CERS6: variants seen among roughly 807,000 people sequenced by gnomAD.
The protein encoded by CERS6 is LAG1 homolog, ceramide synthase 6.
In CERS6, 26 loss-of-function variants were observed where a neutral mutation model predicts 56.8. The observed-to-expected ratio is 0.46, with a 90% CI of 0.34 to 0.63. The LOEUF (loss-of-function observed/expected upper bound fraction) is 0.63. Ranked by LOEUF, CERS6 falls within the 30% of genes least tolerant of loss-of-function variation. The pLI is 0.01. For missense variants in CERS6, 415 were observed against 467.5 expected (o/e 0.89, Z 1.04); for synonymous variants, 164 against 173.3 (o/e 0.95, Z 0.42).
At chr2:168,662,592 G>A (rs570802543) in intron 4 of CERS6, among the ~76,000 whole-genome samples, 9 of 152,280 alleles carry the variant, frequency 5.9e-5, no homozygotes, top group Non-Finnish European at 7.4e-5. Context: ...TTAGCTGGGC[G>A]TGGTGGCGGG....
chr2:168,467,289 C>G (rs1223463779), intron 1 of CERS6, among the ~76,000 whole-genome samples: 1 of 152,142 alleles, frequency 6.6e-6, no homozygotes, highest in Non-Finnish European at 1.5e-5. Flanking sequence ...TAATAGCTCA[C>G]CATTTCAAAG....
At chr2:168,673,200 A>G (rs1168186604) in intron 4 of CERS6, among the ~76,000 whole-genome samples, 2 of 152,244 alleles carry the variant, frequency 1.3e-5, no homozygotes, top group African/African-American at 4.8e-5. Flanking sequence ...AATACCAAAC[A>G]TAATATAAAA....
chr2:168,634,627 G>C (rs573894421), intron 4 of CERS6, among the ~76,000 whole-genome samples: 2 of 152,252 alleles, frequency 1.3e-5, no homozygotes, highest in East Asian at 3.9e-4. Flanking sequence ...TGGCCAGGCT[G>C]GTCTCGAACT....
chr2:168,734,570 A>G (rs1683656671), intron 8 of CERS6, among the ~76,000 whole-genome samples: 1 of 152,250 alleles, frequency 6.6e-6, no homozygotes, highest in Admixed American at 6.5e-5. Flanking sequence ...ACACATGCAC[A>G]CGCACACATC....
At chr2:168,708,226 A>G (rs1029936341) in intron 6 of CERS6, among the ~76,000 whole-genome samples, 2 of 152,072 alleles carry the variant, frequency 1.3e-5, no homozygotes, top group African/African-American at 4.8e-5. Context: ...CTGTTTATTC[A>G]TTCTAAAATG....
intron 6 of CERS6, among the ~76,000 whole-genome samples, chr2:168,705,130 G>C (rs1013849436): frequency 1.3e-5 from 2 of 152,188 alleles, no homozygotes; most frequent in Admixed American, 6.5e-5. Flanking sequence ...CGTCCTTACT[G>C]TGTGACTAGA....
intron 3 of CERS6, among the ~76,000 whole-genome samples, chr2:168,577,192 C>A (rs1683296027): frequency 6.6e-6 from 1 of 152,098 alleles, no homozygotes; most frequent in South Asian, 2.1e-4. Context: ...AGGCTTGAGA[C>A]AGCCTCGTAT....
At chr2:168,548,478 C>G (rs960364227) in intron 2 of CERS6, among the ~76,000 whole-genome samples, 1 of 152,182 alleles carries the variant, frequency 6.6e-6, no homozygotes. Flanking sequence ...TTTTATATAT[C>G]TTACCTTATT....
intron 6 of CERS6, among the ~76,000 whole-genome samples, chr2:168,703,756 C>G (rs773213483): frequency 2.0e-5 from 3 of 152,174 alleles, no homozygotes; most frequent in Non-Finnish European, 4.4e-5. Flanking sequence ...GCCGCTTCAC[C>G]TCTCTTTCAC....
chr2:168,703,455 G>T (rs1300591295), intron 6 of CERS6, among the ~76,000 whole-genome samples: 1 of 152,004 alleles, frequency 6.6e-6, no homozygotes, highest in Non-Finnish European at 1.5e-5. Flanking sequence ...CTACTCAGGA[G>T]GCTGAGGCAG....
At chr2:168,545,653 C>T (rs543526774) in intron 1 of CERS6, among the ~76,000 whole-genome samples, 2 of 152,150 alleles carry the variant, frequency 1.3e-5, no homozygotes, top group East Asian at 1.9e-4. Flanking sequence ...CACTCAACAC[C>T]GTGATAGCAA....
At chr2:168,687,843 A>G (rs1212435662) in intron 4 of CERS6, among the ~76,000 whole-genome samples, 1 of 152,048 alleles carries the variant, frequency 6.6e-6, no homozygotes, top group East Asian at 1.9e-4. Context: ...AGCTGGGACT[A>G]TAGGCATATG....
intron 4 of CERS6, among the ~76,000 whole-genome samples, chr2:168,665,951 A>AGT (rs1685747391): frequency 1.3e-5 from 1 of 76,108 alleles, no homozygotes; most frequent in Non-Finnish European, 2.4e-5. Flanking sequence ...AAATTAGTAG[A>AGT]CTGTGTGTGT....
At chr2:168,688,182 T>G (rs1686403524) in intron 4 of CERS6, among the ~76,000 whole-genome samples, 1 of 152,326 alleles carries the variant, frequency 6.6e-6, no homozygotes, top group East Asian at 1.9e-4. Flanking sequence ...AGTGTATTTT[T>G]AATCACCATT....
chr2:168,598,326 T>C (rs2105259330), intron 3 of CERS6, among the ~76,000 whole-genome samples: 1 of 152,272 alleles, frequency 6.6e-6, no homozygotes, highest in Non-Finnish European at 1.5e-5. Flanking sequence ...TATGGCAACC[T>C]CGTTTTTGGG....
chr2:168,590,333 A>G (rs1467741245), intron 3 of CERS6, among the ~76,000 whole-genome samples: 1 of 152,254 alleles, frequency 6.6e-6, no homozygotes, highest in Non-Finnish European at 1.5e-5. Flanking sequence ...TTAGGCTATC[A>G]TATAAACGAT....
intron 3 of CERS6, among the ~76,000 whole-genome samples, chr2:168,565,694 A>G (rs1402352786): frequency 1.3e-5 from 2 of 152,224 alleles, no homozygotes; most frequent in African/African-American, 4.8e-5. Flanking sequence ...AATGAGTAGA[A>G]GCTGTTTAGC....
chr2:168,482,186 C>T (rs1694188367), intron 1 of CERS6, among the ~76,000 whole-genome samples: 1 of 152,124 alleles, frequency 6.6e-6, no homozygotes. Flanking sequence ...GTTAGTGGAC[C>T]TTAGAAACTA....
At chr2:168,604,450 T>G (rs1232485804) in intron 3 of CERS6, among the ~76,000 whole-genome samples, 1 of 152,124 alleles carries the variant, frequency 6.6e-6, no homozygotes, top group Non-Finnish European at 1.5e-5. Context: ...CAATCAAATC[T>G]GGCCTGCTGC....
Sources: gnomAD v4.1 joint callset for allele counts (sites outside exome capture counted in the v4.1 genomes callset) on GRCh38, gnomAD v4.1.1 for gene constraint, MANE v1.5 for transcripts, NCBI Gene and HGNC (gene_info 2026-07-23, HGNC 2026-07-21) for gene names.